GRID2: variants seen among roughly 807,000 people sequenced by gnomAD.
GRID2 encodes glutamate ionotropic receptor delta type subunit 2, also known as glutamate receptor ionotropic, delta-2.
Under a neutral mutation model 114.8 loss-of-function variants are expected in GRID2, and 33 were observed. That is an observed-to-expected ratio of 0.29 (90% CI 0.22 to 0.38). The LOEUF is 0.38. GRID2 is among the 10% of genes least tolerant of loss of function. The pLI is 1.00. For missense variants in GRID2, 1,184 were observed against 1,257.7 expected (o/e 0.94, Z 0.89); for synonymous variants, 505 against 449.9 (o/e 1.12, Z -1.55).
At chr4:92,471,713 T>C (rs1015432525) in intron 1 of GRID2, among the ~76,000 whole-genome samples, 3 of 152,042 alleles carry the variant, frequency 2.0e-5, no homozygotes, top group Non-Finnish European at 4.4e-5. Flanking sequence ...AAAGTAGTCA[T>C]CATTCCCCCC....
chr4:93,059,543 G>A lies in GRID2; in HGVS notation c.245-25452G>A, dbSNP rs988119792. On this transcript the variant is annotated intron_variant, in intron 2 of 15. Coordinates refer to ENST00000282020, the MANE Select transcript of GRID2 (RefSeq NM_001510.4). ...GGGGAGCAAAATTGCTCCTAGTTAA[G>A]AGCCACTGGACTAATTGTTGAATCA... 3.3e-5 allele frequency among the ~76,000 whole-genome samples: 5 copies of A among 152,058 alleles called. No homozygotes were observed. The South Asian group carries it at 1.0e-3, about 32-fold the overall frequency.
intron 8 of GRID2, among the ~76,000 whole-genome samples, chr4:93,288,400 G>A (rs190039473): frequency 6.6e-6 from 1 of 152,116 alleles, no homozygotes; most frequent in Non-Finnish European, 1.5e-5. Flanking sequence ...GGTGCTTGGG[G>A]TCCAAGACTT....
At chr4:92,785,906 T>C (rs1336029315) in intron 2 of GRID2, among the ~76,000 whole-genome samples, 1 of 151,856 alleles carries the variant, frequency 6.6e-6, no homozygotes, top group African/African-American at 2.4e-5. Flanking sequence ...AAGCGTTTCT[T>C]GTTTTGAAAA....
At chr4:92,786,966 A>T (rs976473493) in intron 2 of GRID2, among the ~76,000 whole-genome samples, 1 of 151,976 alleles carries the variant, frequency 6.6e-6, no homozygotes, top group African/African-American at 2.4e-5. Context: ...ATGTGACAAG[A>T]TGAAATACCT....
rs936886169 is a variant in GRID2, at chr4:92,385,727, C to T, written c.88+80983C>T. On this transcript the variant is annotated intron_variant, in intron 1 of 15. Transcript: ENST00000282020. ...AAACAAATAGGTTAGAATACATAAA[C>T]ATTTGTGTCCTACTTTTGTACATTT... is the stretch of plus-strand genomic sequence containing the variant. 2.0e-5 allele frequency among the ~76,000 whole-genome samples: 3 copies of T among 151,346 alleles called. No homozygotes were observed. In the East Asian group the frequency reaches 5.8e-4, roughly 29 times the overall value.
chr4:93,116,948 A>G (rs1220047978), intron 4 of GRID2, among the ~76,000 whole-genome samples: 1 of 152,128 alleles, frequency 6.6e-6, no homozygotes, highest in Admixed American at 6.5e-5. Context: ...CAGTGATTCA[A>G]TATTCACAAA....
rs147571979 is a variant in GRID2 at position 92,877,651 on chromosome 4, A to T, written c.245-207344A>T. Among the ~76,000 whole-genome samples the T allele has an allele frequency of 8.6e-3, 1,310 of 152,262 alleles. 9 individuals are homozygous for T. Among genetic ancestry groups the T allele is most frequent in the Middle Eastern group, 0.034 (10 of 294 alleles). On this transcript the variant is annotated intron_variant, in intron 2 of 15. Coordinates refer to ENST00000282020, the MANE Select transcript of GRID2 (RefSeq NM_001510.4). ...TCAGCATAACCAGGCTACAATCAGG[A>T]TACCTCCCATCCTTATCAGAATTTC...
chr4:92,381,092 C>T (rs149288589), intron 1 of GRID2, among the ~76,000 whole-genome samples: 4 of 152,062 alleles, frequency 2.6e-5, no homozygotes, highest in Non-Finnish European at 5.9e-5. Context: ...ATAGTAGATA[C>T]CATACATTAT....
intron 14 of GRID2, among the ~76,000 whole-genome samples, chr4:93,644,129 C>G (rs1721877091): frequency 1.2e-5 from 1 of 85,992 alleles, no homozygotes; most frequent in African/African-American, 7.2e-5. Flanking sequence ...TCCCTGACCC[C>G]TTGCGCTTCC....
At chr4:93,127,329 A>G (rs745845541) in intron 4 of GRID2, among the ~76,000 whole-genome samples, 7 of 152,188 alleles carry the variant, frequency 4.6e-5, no homozygotes, top group Non-Finnish European at 1.0e-4. Flanking sequence ...TGAACATGCC[A>G]TCTGAGGGAC....
chr4:93,594,205 G>T (rs1176505001), intron 13 of GRID2, among the ~76,000 whole-genome samples: 1 of 125,504 alleles, frequency 8.0e-6, no homozygotes, highest in Non-Finnish European at 1.7e-5. Context: ...TTTGGTCTTT[G>T]GTATGGTGAT....
At chr4:93,163,428 TTC>T (rs1737947520) in intron 4 of GRID2, among the ~76,000 whole-genome samples, 1 of 141,212 alleles carries the variant, frequency 7.1e-6, no homozygotes, top group Admixed American at 7.1e-5. Context: ...CATGTATATT[TTC>T]TCTCTCTCTT....
At chr4:93,078,759 TTA>T (rs1015463087) in intron 2 of GRID2, among the ~76,000 whole-genome samples, 3 of 56,250 alleles carry the variant, frequency 5.3e-5, no homozygotes, top group African/African-American at 5.7e-5. Context: ...CTAAATATAA[TTA>T]TATTATATTT....
At chr4:93,563,848 A>G (rs999863738) in intron 13 of GRID2, among the ~76,000 whole-genome samples, 4 of 151,976 alleles carry the variant, frequency 2.6e-5, no homozygotes, top group Non-Finnish European at 5.9e-5. Flanking sequence ...GTTTGCTCAC[A>G]TTTACTATTT....
intron 1 of GRID2, among the ~76,000 whole-genome samples, chr4:92,369,557 A>G (rs1729023446): frequency 6.6e-6 from 1 of 152,184 alleles, no homozygotes; most frequent in African/African-American, 2.4e-5. Context: ...TGCTTCAGCT[A>G]CAGGCCATGT....
At chr4:93,567,522 A>G (rs979444632) in intron 13 of GRID2, among the ~76,000 whole-genome samples, 3 of 152,228 alleles carry the variant, frequency 2.0e-5, no homozygotes, top group Non-Finnish European at 4.4e-5. Context: ...ACATGAAGGC[A>G]TATCTCTTAA....
chr4:93,390,801 ATATT>A (rs1764779737), intron 8 of GRID2, among the ~76,000 whole-genome samples: 1 of 152,042 alleles, frequency 6.6e-6, no homozygotes, highest in Non-Finnish European at 1.5e-5. Context: ...ATATATGTAT[ATATT>A]TATTCAAATA....
intron 10 of GRID2, among the ~76,000 whole-genome samples, chr4:93,427,097 AT>A (rs891173127): frequency 8.5e-5 from 13 of 152,078 alleles, no homozygotes; most frequent in Non-Finnish European, 1.5e-4. Flanking sequence ...GGTACACAAC[AT>A]TCCCTTAACT....
At chr4:93,795,973 G>A (rs985688734) in intron 1 of GRID2, among the ~76,000 whole-genome samples, 2 of 152,130 alleles carry the variant, frequency 1.3e-5, no homozygotes, top group Admixed American at 6.5e-5. Context: ...TCTGGAGCCC[G>A]GAGTTCTCTT....
Sources: gnomAD v4.1 joint callset for allele counts (sites outside exome capture counted in the v4.1 genomes callset) on GRCh38, gnomAD v4.1.1 for gene constraint, MANE v1.5 for transcripts, NCBI Gene and HGNC (gene_info 2026-07-23, HGNC 2026-07-21) for gene names.